The following ESYT2 variants were observed in gnomAD, a reference collection of about 807,000 sequenced individuals.
ESYT2 encodes extended synaptotagmin 2.
ESYT2 carries 54 observed loss-of-function variants against 107.2 expected under a neutral mutation model. The observed-to-expected ratio is 0.50, with a 90% CI of 0.40 to 0.63. The LOEUF is 0.63. ESYT2 is among the 30% of genes least tolerant of loss of function. The pLI is 0.00. For missense variants in ESYT2, 1,020 were observed against 1,094.5 expected, an observed-to-expected ratio of 0.93 and a Z score of 0.96; for synonymous variants, 491 against 434.1, an observed-to-expected ratio of 1.13 and a Z score of -1.63.
chr7:158,764,884 C>A, intron 8 of ESYT2, 31 bp from the exon 9 acceptor site: 1 of 1,603,768 alleles, frequency 6.2e-7, no homozygotes, highest in South Asian at 1.1e-5. Context: ...AAGTTTAGAC[C>A]CTTGGCTGGC....
intron 20 of ESYT2, 88 bp downstream of exon 20, chr7:158,736,960 C>T: frequency 6.5e-7 from 1 of 1,547,314 alleles, no homozygotes; most frequent in Non-Finnish European, 8.8e-7. Context: ...GATTTATGTG[C>T]TTTGGCCACT....
chr7:158,743,873 G>A (rs1191054570), intron 16 of ESYT2, 195 bp from the exon 17 acceptor site: 1 of 517,162 alleles, frequency 1.9e-6, no homozygotes, highest in African/African-American at 2.0e-5. Flanking sequence ...AGGGGTTCGA[G>A]ACCAGCCTGG....
chr7:158,739,599 C>T (rs1462040310), intron 18 of ESYT2, among the ~76,000 whole-genome samples: 3 of 152,184 alleles, frequency 2.0e-5, no homozygotes, highest in Admixed American at 2.0e-4. Context: ...CCACCTGCCT[C>T]GGCCTCCCAA....
chr7:158,758,962 G>T (rs1234034068), intron 13 of ESYT2, among the ~76,000 whole-genome samples: 3 of 152,168 alleles, frequency 2.0e-5, no homozygotes, highest in Non-Finnish European at 4.4e-5. Context: ...CTGGCAGTAG[G>T]TCATTCCGAG....
intron 13 of ESYT2, among the ~76,000 whole-genome samples, chr7:158,757,372 A>G (rs1028480755): frequency 2.0e-5 from 3 of 152,156 alleles, no homozygotes; most frequent in African/African-American, 7.2e-5. Context: ...TTCACAAAAC[A>G]CTAGTCCCGA....
At chr7:158,789,601 C>T (rs889395989) in intron 4 of ESYT2, among the ~76,000 whole-genome samples, 2 of 152,120 alleles carry the variant, frequency 1.3e-5, no homozygotes, top group African/African-American at 4.8e-5. Context: ...AGGGATCCAC[C>T]CACCTGGGCC....
intron 13 of ESYT2, among the ~76,000 whole-genome samples, chr7:158,756,076 G>A (rs1052601837): frequency 2.0e-5 from 3 of 151,978 alleles, no homozygotes; most frequent in Non-Finnish European, 4.4e-5. Context: ...TGCCCCCTAC[G>A]CTCCCCCTAC....
chr7:158,793,403 C>T (rs1316879625), intron 4 of ESYT2, among the ~76,000 whole-genome samples: 1 of 151,822 alleles, frequency 6.6e-6, no homozygotes, highest in Non-Finnish European at 1.5e-5. Flanking sequence ...AATATTGGTC[C>T]ATAGTTTTCT....
intron 16 of ESYT2, among the ~76,000 whole-genome samples, chr7:158,747,342 T>C (rs1478892263): frequency 6.6e-6 from 1 of 151,202 alleles, no homozygotes; most frequent in Non-Finnish European, 1.5e-5. Context: ...TGAGACTTCA[T>C]CTCAGAAAGA....
At chr7:158,747,300 C>T (rs144284660) in intron 16 of ESYT2, among the ~76,000 whole-genome samples, 1,751 of 149,994 alleles carry the variant, frequency 0.012, 32 homozygotes, top group African/African-American at 0.041. Flanking sequence ...TGACTGAGAT[C>T]GCACCACTGC....
At chr7:158,817,512 G>C (rs1413914163) in intron 1 of ESYT2, among the ~76,000 whole-genome samples, 1 of 152,264 alleles carries the variant, frequency 6.6e-6, no homozygotes, top group Non-Finnish European at 1.5e-5. Flanking sequence ...CCCGCTTCCA[G>C]CTGTCCCACC....
intron 1 of ESYT2, among the ~76,000 whole-genome samples, chr7:158,806,058 C>CGGCGCCGGGGCACACCGCGTGGGA (rs1288819691): frequency 0.19 from 14,119 of 74,298 alleles, 1,058 homozygotes; most frequent in African/African-American, 0.23. Flanking sequence ...GCAGCAGAGC[C>CGGCGCCGGGGCACACCGCGTGGGA]GGCGCCGGGG....
intron 3 of ESYT2, among the ~76,000 whole-genome samples, chr7:158,794,253 GGATACCAAGGCAGAGGACT>G: frequency 6.6e-6 from 1 of 152,320 alleles, no homozygotes; most frequent in South Asian, 2.1e-4. Context: ...CAACACTTTG[GGATACCAAGGCAGAGGACT>G]GCTTGAAGCC....
chr7:158,801,808 A>G (rs1314134132), intron 1 of ESYT2, among the ~76,000 whole-genome samples: 1 of 145,006 alleles, frequency 6.9e-6, no homozygotes, highest in East Asian at 2.0e-4. Context: ...TTAAAAGAAC[A>G]AAGGCGTATT....
chr7:158,800,685 C>G (rs923690112), intron 1 of ESYT2, among the ~76,000 whole-genome samples: 1 of 151,910 alleles, frequency 6.6e-6, no homozygotes, highest in Non-Finnish European at 1.5e-5. Context: ...CCACTGTGCC[C>G]AGTCCACTTT....
At chr7:158,802,868 A>G (rs1839685347) in intron 1 of ESYT2, among the ~76,000 whole-genome samples, 1 of 152,262 alleles carries the variant, frequency 6.6e-6, no homozygotes, top group South Asian at 2.1e-4. Context: ...AAATGCCACT[A>G]AACATGAAAT....
At chr7:158,797,747 G>A (rs577910377) in intron 3 of ESYT2, among the ~76,000 whole-genome samples, 195 bp downstream of exon 3, 15 of 152,066 alleles carry the variant, frequency 9.9e-5, no homozygotes, top group African/African-American at 2.9e-4. Flanking sequence ...CCAGCTACTC[G>A]GGAGGCTGAG....
At chr7:158,814,623 G>C (rs1840100969) in intron 1 of ESYT2, among the ~76,000 whole-genome samples, 1 of 152,132 alleles carries the variant, frequency 6.6e-6, no homozygotes, top group Non-Finnish European at 1.5e-5. Context: ...AAAACACCCA[G>C]AGAAACTCCC....
intron 10 of ESYT2, among the ~76,000 whole-genome samples, chr7:158,762,616 T>C (rs1838010903): frequency 6.6e-6 from 1 of 152,228 alleles, no homozygotes; most frequent in South Asian, 2.1e-4. Context: ...ATACTAGTTG[T>C]TCAATTGAAG....
Sources: allele counts gnomAD v4.1 joint callset (sites outside exome capture counted in the v4.1 genomes callset), GRCh38; gene constraint gnomAD v4.1.1; transcripts MANE v1.5; gene names NCBI Gene and HGNC (gene_info 2026-07-23, HGNC 2026-07-21).